Variants in NOS1AP observed in about 807,000 individuals in gnomAD.
NOS1AP encodes the protein carboxyl-terminal PDZ ligand of neuronal nitric oxide synthase protein.
Under a neutral mutation model 56.2 loss-of-function variants are expected in NOS1AP, and 21 were observed. The ratio of observed to expected loss-of-function variants is 0.37; its 90% confidence interval spans 0.26 to 0.54. The LOEUF (loss-of-function observed/expected upper bound fraction) is 0.54, where lower values mean the gene tolerates loss of function less well. Among genes scored for constraint, NOS1AP ranks in the 20% least tolerant of loss-of-function variants. NOS1AP has a pLI of 0.84. For synonymous variants in NOS1AP, 270 were observed against 274.6 expected (o/e 0.98, Z 0.17); for missense variants, 522 against 657.8 (o/e 0.79, Z 2.26).
rs1055285622 is a variant in NOS1AP at position 162,188,156 on chromosome 1, C to T, written c.177+33680C>T. ...GGACTCTTGAAAACTGGGACCAATT[C>T]TCATGTTTAAGACTTTAACAAAACA... On this transcript the variant is annotated intron_variant, in intron 2 of 9. Transcript: ENST00000361897. This position sits in a 1 kb window ranked among gnomAD's most constrained non-coding sequence, Gnocchi z 4.0. Among the ~76,000 whole-genome samples the T allele has an allele frequency of 5.3e-5, 8 of 152,152 alleles. No homozygotes were observed. The highest frequency in any genetic ancestry group is 4.4e-5 in the Non-Finnish European group (3 of 68,030).
At chr1:162,245,856 G>T (rs370365450) in intron 2 of NOS1AP, among the ~76,000 whole-genome samples, 2 of 152,338 alleles carry the variant, frequency 1.3e-5, no homozygotes, top group South Asian at 2.1e-4. Context: ...TAAGTCCCAG[G>T]TGGGCTATTT....
chr1:162,069,978 C>T lies in NOS1AP; in HGVS notation c.-200C>T. 1 of 295,950 alleles carries T rather than the reference C, an allele frequency of 3.4e-6. No individual in the cohort carries two copies. The highest frequency in any genetic ancestry group is 6.3e-6 in the Non-Finnish European group (1 of 158,812). 18.3% of individuals were successfully genotyped at this position (295,950 alleles called of 1,614,324 possible). A position where few individuals can be genotyped will look rare whatever the true frequency, so the allele number is the denominator to read the frequency against. On this transcript the variant is annotated 5_prime_UTR_variant, in exon 1 of 10. Transcript: ENST00000361897. Reference sequence around the variant, plus strand: ...CGACCACAGCGCCGCTCGCGTCGCCCGCATCAGCTCAGCCCGCTGCCGCTC... The same window carrying T: ...CGACCACAGCGCCGCTCGCGTCGCCTGCATCAGCTCAGCCCGCTGCCGCTC...
At chr1:162,104,793 A>C (rs541913717) in intron 1 of NOS1AP, among the ~76,000 whole-genome samples, 2 of 152,152 alleles carry the variant, frequency 1.3e-5, no homozygotes, top group South Asian at 2.1e-4. Context: ...TATTGTGGCT[A>C]TCAGCTCCTG....
intron 3 of NOS1AP, among the ~76,000 whole-genome samples, chr1:162,293,397 G>T (rs1048317379): frequency 1.3e-5 from 2 of 152,188 alleles, no homozygotes; most frequent in Non-Finnish European, 2.9e-5. Context: ...GGGTTTCAAA[G>T]ATGCCATATC....
intron 1 of NOS1AP, among the ~76,000 whole-genome samples, chr1:162,153,574 T>C (rs1348750620): frequency 1.3e-5 from 2 of 152,246 alleles, no homozygotes; most frequent in African/African-American, 4.8e-5. Context: ...GGAGCCATTA[T>C]ATGTAATGTA....
intron 1 of NOS1AP, among the ~76,000 whole-genome samples, chr1:162,096,224 T>G (rs1442251930): frequency 1.3e-5 from 2 of 152,184 alleles, no homozygotes; most frequent in African/African-American, 4.8e-5. Context: ...CTGCAGTGTC[T>G]TCTACAGGAG....
chr1:162,108,388 T>G (rs2102038005), intron 1 of NOS1AP, among the ~76,000 whole-genome samples: 1 of 152,220 alleles, frequency 6.6e-6, no homozygotes, highest in South Asian at 2.1e-4. Flanking sequence ...AATACATGAG[T>G]TTGTAGTGAT....
intron 4 of NOS1AP, among the ~76,000 whole-genome samples, chr1:162,304,974 A>G (rs1174206753): frequency 6.6e-6 from 1 of 152,310 alleles, no homozygotes; most frequent in Non-Finnish European, 1.5e-5. Flanking sequence ...GCTGAAGAAT[A>G]CATACAATTG....
chr1:162,214,873 C>T (rs1652507343), intron 2 of NOS1AP, among the ~76,000 whole-genome samples: 1 of 152,174 alleles, frequency 6.6e-6, no homozygotes, highest in African/African-American at 2.4e-5. Flanking sequence ...TCTTTTTTGC[C>T]TCTAATAGTT....
chr1:162,212,935 G>A (rs919287546), intron 2 of NOS1AP, among the ~76,000 whole-genome samples: 4 of 152,164 alleles, frequency 2.6e-5, no homozygotes, highest in Non-Finnish European at 5.9e-5. Flanking sequence ...ACTGTTCCTC[G>A]AAAGCCTGTC....
rs1557885966 is a variant in NOS1AP, at chr1:162,343,716, G to A, written c.454-119G>A. ...GAAATGTCTTTGCACTCATTTGTAT[G>A]TGCATATCTGAACAACTTTAGATTT... On this transcript the variant is annotated intron_variant, in intron 5 of 9. Transcript: ENST00000361897. 6 of 1,106,990 alleles carry A rather than the reference G, an allele frequency of 5.4e-6. No homozygotes were observed. The South Asian group carries it at 7.5e-5, about 14-fold the overall frequency. The allele number at this position is 1,106,990 out of a possible 1,614,324, so 68.6% of individuals were successfully genotyped here. A position where few individuals can be genotyped will look rare whatever the true frequency, so the allele number is the denominator to read the frequency against.
chr1:162,228,218 A>C (rs1381049247), intron 2 of NOS1AP, among the ~76,000 whole-genome samples: 1 of 152,136 alleles, frequency 6.6e-6, no homozygotes, highest in African/African-American at 2.4e-5. Context: ...TACCATCATA[A>C]TTTTTTTCTT....
At chr1:162,084,968 G>A (rs1033594005) in intron 1 of NOS1AP, among the ~76,000 whole-genome samples, 1 of 152,114 alleles carries the variant, frequency 6.6e-6, no homozygotes, top group Non-Finnish European at 1.5e-5. Flanking sequence ...CCAGCCCATA[G>A]TGTTTTCTAT....
At chr1:162,363,562 G>A (rs1657971030) in intron 8 of NOS1AP, 1 of 153,668 alleles carries the variant, frequency 6.5e-6, no homozygotes, top group Admixed American at 6.5e-5. Context: ...TGGAGGTTGG[G>A]GCGTGGGACT....
chr1:162,116,324 G>A (rs1647948992), intron 1 of NOS1AP, among the ~76,000 whole-genome samples: 1 of 152,130 alleles, frequency 6.6e-6, no homozygotes, highest in Admixed American at 6.5e-5. Flanking sequence ...TCCAGAACGG[G>A]CTGCTCCCCA....
At position 162,286,773 on chromosome 1, in the gene NOS1AP, A is replaced by G. The variant is rs1655101132; in HGVS notation, c.178-571A>G. On this transcript the variant is annotated intron_variant, in intron 2 of 9. Transcript: ENST00000361897. ...AAACTTAACAAATACATGGTTTTTG[A>G]GGCCATATCTTTTCTAGATGTGCCA... is the stretch of plus-strand genomic sequence containing the variant. 4.6e-5 allele frequency among the ~76,000 whole-genome samples: 7 copies of G among 152,230 alleles called. No homozygotes were observed. In the South Asian group the frequency reaches 1.2e-3, roughly 27 times the overall value.
At chr1:162,365,699 C>G in intron 9 of NOS1AP, 130 bp downstream of exon 9, 1 of 1,173,846 alleles carries the variant, frequency 8.5e-7, no homozygotes, top group East Asian at 2.5e-5. Flanking sequence ...AAAACATAGG[C>G]AGCTTTGTTT....
At chr1:162,288,635 G>GA (rs1655164464) in intron 3 of NOS1AP, among the ~76,000 whole-genome samples, 3 of 152,116 alleles carry the variant, frequency 2.0e-5, no homozygotes, top group African/African-American at 7.2e-5. Flanking sequence ...TTCCTCTCTG[G>GA]ATGTTTACAA....
At position 162,143,117 on chromosome 1, in the gene NOS1AP, G is replaced by A. The variant is rs961737944; in HGVS notation, c.106-11288G>A. 2.0e-5 allele frequency among the ~76,000 whole-genome samples: 3 copies of A among 151,948 alleles called. No homozygotes were observed. In the South Asian group the frequency reaches 6.2e-4, roughly 32 times the overall value. On this transcript the variant is annotated intron_variant, in intron 1 of 9. Transcript: ENST00000361897. ...CCTCAAACTGAGCCCATCCCATGAG[G>A]TTCTGTGAGCAGTGTCATAGTTAGC...
Sources: allele counts gnomAD v4.1 joint callset (sites outside exome capture counted in the v4.1 genomes callset), GRCh38; gene constraint gnomAD v4.1.1; non-coding constraint Gnocchi (gnomAD v3.1); transcripts MANE v1.5; gene names NCBI Gene and HGNC (gene_info 2026-07-23, HGNC 2026-07-21).